Variants in NME5 observed in about 807,000 individuals in gnomAD.
NME5 encodes the protein NME/NM23 family member 5, also known as nucleoside diphosphate kinase 5.
In NME5, 18 loss-of-function variants were observed where a neutral mutation model predicts 21.6. The observed-to-expected ratio is 0.83, with a 90% CI of 0.58 to 1.24. The LOEUF is 1.24. Ranked by LOEUF, NME5 falls within the 50% of genes most tolerant of loss-of-function variation. The pLI is 0.00. For synonymous variants in NME5, 70 were observed against 80.6 expected (o/e 0.87, Z 0.71); for missense variants, 223 against 255.4 (o/e 0.87, Z 0.86).
intron 2 of NME5, among the ~76,000 whole-genome samples, chr5:138,132,277 G>A (rs904078747): frequency 2.0e-5 from 3 of 152,112 alleles, no homozygotes; most frequent in African/African-American, 4.8e-5. Flanking sequence ...TTGAACCCAG[G>A]AGGCAGAGGT....
intron 4 of NME5, among the ~76,000 whole-genome samples, chr5:138,124,480 A>AT (rs1441434432): frequency 3.9e-5 from 6 of 152,014 alleles, no homozygotes. Flanking sequence ...GTTTGCAAAT[A>AT]TTTTCTTCCC....
chr5:138,128,387 A>G (rs1476941154), intron 4 of NME5, 92 bp downstream of exon 4: 4 of 969,604 alleles, frequency 4.1e-6, no homozygotes, highest in South Asian at 1.6e-5. Flanking sequence ...AAAAAAAATT[A>G]TTTTATCTTC....
At chr5:138,120,852 C>G (rs1211923971) in intron 4 of NME5, among the ~76,000 whole-genome samples, 1 of 152,072 alleles carries the variant, frequency 6.6e-6, no homozygotes, top group Non-Finnish European at 1.5e-5. Flanking sequence ...TCCCAATAAA[C>G]CCATCATAAG....
chr5:138,128,108 C>T (rs1751475782), intron 4 of NME5, among the ~76,000 whole-genome samples: 1 of 151,992 alleles, frequency 6.6e-6, no homozygotes, highest in Admixed American at 6.6e-5. Context: ...CTCAGCTACC[C>T]GGGAGGCTAA....
At chr5:138,135,020 A>T (rs1296027456) in intron 2 of NME5, among the ~76,000 whole-genome samples, 3 of 148,164 alleles carry the variant, frequency 2.0e-5, no homozygotes, top group Admixed American at 2.0e-4. Context: ...AATATTTTTT[A>T]AAATATGGAC....
At chr5:138,122,395 G>A (rs925163329) in intron 4 of NME5, among the ~76,000 whole-genome samples, 9 of 137,200 alleles carry the variant, frequency 6.6e-5, no homozygotes, top group Non-Finnish European at 9.1e-5. Context: ...AGTTGAGATC[G>A]GGCCACTGCA....
chr5:138,138,538 A>T (rs752314273), intron 2 of NME5, 114 bp downstream of exon 2: 7 of 847,704 alleles, frequency 8.3e-6, no homozygotes, highest in Non-Finnish European at 1.3e-5. Flanking sequence ...AGAAGAATAA[A>T]CTTAAATTTA....
chr5:138,128,644 A>G (rs1476690695), intron 3 of NME5, 65 bp from the exon 4 acceptor site: 2 of 1,065,544 alleles, frequency 1.9e-6, no homozygotes, highest in Non-Finnish European at 2.8e-6. Flanking sequence ...ATATGCATGC[A>G]TTCCACTTAA....
intron 4 of NME5, among the ~76,000 whole-genome samples, chr5:138,125,866 A>G (rs1033553023): frequency 2.0e-5 from 3 of 152,176 alleles, no homozygotes; most frequent in African/African-American, 7.2e-5. Flanking sequence ...CATCCGCTTC[A>G]GCCTCCCAAA....
intron 5 of NME5, among the ~76,000 whole-genome samples, chr5:138,117,645 C>T (rs972740287): frequency 6.6e-6 from 1 of 151,928 alleles, no homozygotes; most frequent in African/African-American, 2.4e-5. Flanking sequence ...TCAAAACCAC[C>T]GTGAGAAACC....
chr5:138,130,359 C>T (rs376139075), intron 2 of NME5, among the ~76,000 whole-genome samples: 3 of 151,818 alleles, frequency 2.0e-5, no homozygotes, highest in Non-Finnish European at 2.9e-5. Flanking sequence ...CCAGCCTGGG[C>T]GATAAAGCAG....
intron 4 of NME5, among the ~76,000 whole-genome samples, chr5:138,125,553 G>A (rs1325905454): frequency 6.6e-6 from 1 of 152,096 alleles, no homozygotes; most frequent in African/African-American, 2.4e-5. Flanking sequence ...CATTCCATCT[G>A]GAGTGACATG....
At chr5:138,130,571 T>G (rs954493466) in intron 2 of NME5, among the ~76,000 whole-genome samples, 1 of 152,224 alleles carries the variant, frequency 6.6e-6, no homozygotes, top group South Asian at 2.1e-4. Context: ...GGCAGATCAC[T>G]TGAGGTCAGG....
chr5:138,127,197 T>C (rs574763618), intron 4 of NME5, among the ~76,000 whole-genome samples: 1 of 152,172 alleles, frequency 6.6e-6, no homozygotes, highest in African/African-American at 2.4e-5. Flanking sequence ...GAAGCAGGTC[T>C]TCCCCTGGGA....
intron 2 of NME5, among the ~76,000 whole-genome samples, chr5:138,131,935 G>A (rs1310261012): frequency 6.6e-6 from 1 of 152,080 alleles, no homozygotes; most frequent in Admixed American, 6.6e-5. Context: ...GTAGAGACAG[G>A]TTTTTCGCTT....
chr5:138,120,228 CTCT>C (rs1445782038), intron 4 of NME5, among the ~76,000 whole-genome samples: 45 of 40,428 alleles, frequency 1.1e-3, no homozygotes, highest in African/African-American at 2.8e-3. Flanking sequence ...CTGCTCCCAG[CTCT>C]TTTTTTTTTT....
At chr5:138,136,633 CTTTTT>C (rs1287597483) in intron 2 of NME5, among the ~76,000 whole-genome samples, 1 of 151,638 alleles carries the variant, frequency 6.6e-6, no homozygotes, top group African/African-American at 2.4e-5. Flanking sequence ...TTTATATAAT[CTTTTT>C]TTAAATTAAA....
chr5:138,129,297 T>A lies in NME5; in HGVS notation c.301A>T (p.Asn101Tyr), dbSNP rs374892062. Residue 101 changes from asparagine to tyrosine, a missense_variant, in exon 3 of 6, where the codon AAT (asparagine) becomes TAT (tyrosine). Asn to Tyr is a moderately radical substitution (Grantham distance 143). Transcript: ENST00000265191. ...TGTGTCTCCTTCGCTACTAAGCTAT[T>A]ATTTGGTCCCAAAAGTTCTAACCAA... is the stretch of plus-strand genomic sequence containing the variant. Reference protein sequence around the residue: ...SYWLELLGPNNSLVAKETHPD... With the variant: ...SYWLELLGPNYSLVAKETHPD... The A allele has an allele frequency of 6.2e-7, 1 of 1,614,016 alleles. No homozygotes were observed. The highest frequency in any genetic ancestry group is 8.5e-7 in the Non-Finnish European group (1 of 1,179,910).
Position 138,139,411 on chromosome 5 carries a change from G to C in NME5, c.-46C>G. 1.0e-6 allele frequency: 1 copy of C among 985,582 alleles called. No homozygotes were observed. The allele number at this position is 985,582 out of a possible 1,614,324, so 61.1% of individuals were successfully genotyped here. A position where few individuals can be genotyped will look rare whatever the true frequency, so the allele number is the denominator to read the frequency against. ...CATATGGTACAACTTGTTGCTAGGA[G>C]ACCTGAAGCCCCAGCGTGGGGACGG... On this transcript the variant is annotated 5_prime_UTR_variant, in exon 1 of 6. Transcript: ENST00000265191.
Sources: gnomAD v4.1 joint callset for allele counts (sites outside exome capture counted in the v4.1 genomes callset) on GRCh38, gnomAD v4.1.1 for gene constraint, MANE v1.5 for transcripts, NCBI Gene and HGNC (gene_info 2026-07-23, HGNC 2026-07-21) for gene names.